Variants in OPCML observed in about 807,000 individuals in gnomAD.
The protein encoded by OPCML is opioid-binding protein/cell adhesion molecule.
OPCML carries 13 observed loss-of-function variants against 37.8 expected under a neutral mutation model. The observed-to-expected ratio is 0.34, with a 90% CI of 0.22 to 0.55. The LOEUF (loss-of-function observed/expected upper bound fraction) is 0.55, where lower values mean the gene tolerates loss of function less well. Ranked by LOEUF, OPCML falls within the 20% of genes least tolerant of loss-of-function variation. OPCML has a pLI of 0.91. For missense variants in OPCML, 341 were observed against 435.6 expected, an observed-to-expected ratio of 0.78 and a Z score of 1.93; for synonymous variants, 176 against 168.8, an observed-to-expected ratio of 1.04 and a Z score of -0.33.
At chr11:132,546,087 G>A (rs1040545183) in intron 3 of OPCML, among the ~76,000 whole-genome samples, 3 of 152,020 alleles carry the variant, frequency 2.0e-5, no homozygotes, top group South Asian at 2.1e-4. Flanking sequence ...ATTTTTAAAC[G>A]TTTTCCAATT....
intron 1 of OPCML, among the ~76,000 whole-genome samples, chr11:133,134,705 G>A (rs1592034041): frequency 1.3e-5 from 2 of 152,246 alleles, no homozygotes; most frequent in South Asian, 4.2e-4. Flanking sequence ...CTGCAAAGGA[G>A]CCCAGCCCAC....
rs116361880 is a variant in OPCML, at chr11:133,266,441, A to G, written c.61+265823T>C. The stretch of plus-strand genomic sequence containing the variant: ...CTCAAGGATCTCCCCCTGGTCTCTA[A>G]GTCTAGATTACATTTGCTTCCAGAA... On this transcript the variant is annotated intron_variant, in intron 1 of 7. Coordinates refer to ENST00000524381, the MANE Select transcript of OPCML (RefSeq NM_001012393.5). Among the ~76,000 whole-genome samples the G allele has an allele frequency of 5.9e-3, 900 of 152,236 alleles. 8 individuals are homozygous for G. The highest frequency in any genetic ancestry group is 0.021 in the African/African-American group (860 of 41,524).
chr11:132,986,926 C>T (rs932081427), intron 1 of OPCML, among the ~76,000 whole-genome samples: 7 of 152,142 alleles, frequency 4.6e-5, no homozygotes, highest in African/African-American at 1.7e-4. Flanking sequence ...AATGAATACT[C>T]TTACAGGTTA....
intron 2 of OPCML, among the ~76,000 whole-genome samples, chr11:132,898,611 C>A (rs1943935113): frequency 1.3e-5 from 2 of 152,182 alleles, no homozygotes. Flanking sequence ...TCTGAATCAG[C>A]ATCCAATATA....
chr11:133,434,082 T>C (rs889824096), intron 1 of OPCML, among the ~76,000 whole-genome samples: 2 of 152,232 alleles, frequency 1.3e-5, no homozygotes, highest in African/African-American at 4.8e-5. Context: ...TTTCTGTGTA[T>C]GCCTCATCTT....
chr11:133,325,934 C>T (rs1299763397), intron 1 of OPCML, among the ~76,000 whole-genome samples: 1 of 152,168 alleles, frequency 6.6e-6, no homozygotes, highest in Non-Finnish European at 1.5e-5. Flanking sequence ...TCCTAAAGAA[C>T]AAACTCTTGT....
chr11:133,051,736 C>G (rs990439308), intron 1 of OPCML, among the ~76,000 whole-genome samples: 5 of 152,196 alleles, frequency 3.3e-5, no homozygotes, highest in African/African-American at 1.2e-4. Context: ...CTAGGCAGCC[C>G]AAGCCCTTCA....
intron 2 of OPCML, among the ~76,000 whole-genome samples, chr11:132,718,008 C>A (rs1487160537): frequency 6.6e-6 from 1 of 152,208 alleles, no homozygotes; most frequent in Non-Finnish European, 1.5e-5. Context: ...GGAAACCTCC[C>A]TTTCCACACC....
At chr11:133,304,458 T>A (rs191750452) in intron 1 of OPCML, among the ~76,000 whole-genome samples, 8 of 152,308 alleles carry the variant, frequency 5.3e-5, no homozygotes, top group Admixed American at 4.6e-4. Flanking sequence ...GCCTTCCATT[T>A]TACAGATGCA....
At chr11:132,475,777 T>C (rs917814915) in intron 4 of OPCML, among the ~76,000 whole-genome samples, 3 of 152,240 alleles carry the variant, frequency 2.0e-5, no homozygotes, top group African/African-American at 7.2e-5. Flanking sequence ...ATACACCTCC[T>C]TTCAGCACAG....
rs543017415 is a variant in OPCML at position 133,335,977 on chromosome 11, T to G, written c.61+196287A>C. Among the ~76,000 whole-genome samples, 4 of 152,076 alleles carry G rather than the reference T, an allele frequency of 2.6e-5. No individual in the cohort carries two copies. The East Asian group carries it at 7.8e-4, about 30-fold the overall frequency. The stretch of plus-strand genomic sequence containing the variant: ...TTGCAAGTAGCAGGACACAGCCACA[T>G]GTAGAGTCCAATTCCTGAAAGGAGG... On this transcript the variant is annotated intron_variant, in intron 1 of 7. Coordinates refer to ENST00000524381, the MANE Select transcript of OPCML (RefSeq NM_001012393.5).
chr11:132,963,870 A>T (rs1365316360), intron 1 of OPCML, among the ~76,000 whole-genome samples: 1 of 152,068 alleles, frequency 6.6e-6, no homozygotes, highest in Admixed American at 6.6e-5. Flanking sequence ...AGGGTCGGGC[A>T]CCTAAGATTT....
intron 1 of OPCML, among the ~76,000 whole-genome samples, chr11:133,358,785 A>G (rs1457940191): frequency 6.6e-6 from 1 of 151,992 alleles, no homozygotes; most frequent in Admixed American, 6.5e-5. Context: ...CTGGCATTTG[A>G]GCAGAGCCCT....
intron 4 of OPCML, among the ~76,000 whole-genome samples, chr11:132,496,416 T>C (rs988533356): frequency 6.6e-6 from 1 of 152,270 alleles, no homozygotes; most frequent in African/African-American, 2.4e-5. Context: ...CTTACATTTT[T>C]CTGAAATTAC....
intron 1 of OPCML, among the ~76,000 whole-genome samples, chr11:133,500,152 G>A (rs1947881011): frequency 6.6e-6 from 1 of 152,072 alleles, no homozygotes; most frequent in Admixed American, 6.5e-5. Context: ...TTACAGGCGT[G>A]AGCCACCGCA....
intron 1 of OPCML, among the ~76,000 whole-genome samples, chr11:132,980,992 A>T (rs1946569821): frequency 6.6e-6 from 1 of 152,236 alleles, no homozygotes; most frequent in Non-Finnish European, 1.5e-5. Context: ...CTGCAACAGC[A>T]TGTTACTATA....
rs544682236 is a variant in OPCML at position 132,490,986 on chromosome 11, C to A, written c.505+38075G>T. On this transcript the variant is annotated intron_variant, in intron 4 of 7. Transcript: ENST00000524381. ...TGTGCACAGGAACTCAGTTCAAAAG[C>A]CTCGGACTCACTTTTGAGTCCTCTC... 2.0e-3 allele frequency among the ~76,000 whole-genome samples: 306 copies of A among 152,252 alleles called. 1 individual carries two copies. Among genetic ancestry groups the A allele is most frequent in the Non-Finnish European group, 3.3e-3 (225 of 68,014 alleles).
intron 7 of OPCML, among the ~76,000 whole-genome samples, chr11:132,422,513 C>G (rs926102708): frequency 6.6e-6 from 1 of 152,172 alleles, no homozygotes; most frequent in African/African-American, 2.4e-5. Context: ...GAAAGGGAGA[C>G]TTAGCAGGTA....
intron 1 of OPCML, among the ~76,000 whole-genome samples, chr11:133,044,970 G>A (rs1947979602): frequency 6.6e-6 from 1 of 152,110 alleles, no homozygotes; most frequent in Non-Finnish European, 1.5e-5. Context: ...CCTCTCTCAA[G>A]TGCTTTCCCA....
Sources: gnomAD v4.1 joint callset for allele counts (sites outside exome capture counted in the v4.1 genomes callset) on GRCh38, gnomAD v4.1.1 for gene constraint, MANE v1.5 for transcripts, NCBI Gene and HGNC (gene_info 2026-07-23, HGNC 2026-07-21) for gene names.